The following SNTB2 variants were observed in gnomAD, a reference collection of about 807,000 sequenced individuals.
SNTB2 encodes the protein syntrophin beta 2.
SNTB2 carries 34 observed loss-of-function variants against 46.2 expected under a neutral mutation model. The ratio of observed to expected loss-of-function variants is 0.74; its 90% CI spans 0.56 to 0.98. SNTB2 has a LOEUF of 0.98. Among genes scored for constraint, SNTB2 ranks in the 50% least tolerant of loss-of-function variants. The probability of loss-of-function intolerance (pLI) is 0.00; values close to 1 mark genes in which losing one functional copy is unlikely to be tolerated. For synonymous variants in SNTB2, 290 were observed against 312.6 expected (o/e 0.93, Z 0.76); for missense variants, 603 against 731.4 (o/e 0.82, Z 2.02).
intron 1 of SNTB2, among the ~76,000 whole-genome samples, chr16:69,199,330 T>C (rs1964137212): frequency 6.6e-6 from 1 of 152,230 alleles, no homozygotes; most frequent in African/African-American, 2.4e-5. Context: ...AAGTGCCAGA[T>C]AAAATATTTT....
intron 4 of SNTB2, among the ~76,000 whole-genome samples, chr16:69,276,240 A>C (rs1408968391): frequency 6.6e-6 from 1 of 151,990 alleles, no homozygotes; most frequent in Non-Finnish European, 1.5e-5. Context: ...AGAATGTGGA[A>C]TATTGAGTAG....
intron 1 of SNTB2, among the ~76,000 whole-genome samples, chr16:69,208,406 CAAAA>C (rs78059351): frequency 8.7e-6 from 1 of 114,290 alleles, no homozygotes. Context: ...AACTTCGTCT[CAAAA>C]AAAAAAAAAA....
rs1280047346 is a variant in SNTB2 at position 69,245,660 on chromosome 16, G to A, written c.639G>A (p.Leu213=). The A allele has an allele frequency of 2.5e-6, 4 of 1,613,978 alleles. No individual in the cohort carries two copies. Among genetic ancestry groups the A allele is most frequent in the Non-Finnish European group, 3.4e-6 (4 of 1,180,014 alleles). Residue 213 remains leucine, a synonymous_variant, in exon 2 of 7, where the codon CTG becomes CTA. Coordinates refer to ENST00000336278, the MANE Select transcript of SNTB2 (RefSeq NM_006750.4). ...YIKKPSLVSD[L]PWEGAAPQSP... The stretch of plus-strand genomic sequence containing the variant: ...AGAAGCCATCATTAGTATCAGATCT[G>A]CCGTGGGAAGGTGCAGCCCCCCAGT...
chr16:69,255,941 A>G (rs1482115003), intron 2 of SNTB2, among the ~76,000 whole-genome samples: 1 of 151,672 alleles, frequency 6.6e-6, no homozygotes, highest in Non-Finnish European at 1.5e-5. Context: ...TAATCCCAGC[A>G]CTTTGGGAAG....
intron 5 of SNTB2, among the ~76,000 whole-genome samples, chr16:69,297,524 G>A (rs852010): frequency 3.3e-5 from 5 of 150,642 alleles, no homozygotes; most frequent in Non-Finnish European, 7.4e-5. Context: ...AGGTTGAGGC[G>A]GGAGAATTGC....
rs1965292394 is a variant in SNTB2, at chr16:69,303,442, T to C, written c.*2518T>C. The C allele has an allele frequency of 6.6e-6, 1 of 152,364 alleles. No homozygotes were observed. The highest frequency in any genetic ancestry group is 1.5e-5 in the Non-Finnish European group (1 of 68,044). 9.4% of individuals were successfully genotyped at this position (152,364 alleles called of 1,614,324 possible). The stretch of plus-strand genomic sequence containing the variant: ...ACCCTGCTTGTTGGTTATATGAGGA[T>C]GTAAAATAGGTGGAATTAAAATGTG... On this transcript the variant is annotated 3_prime_UTR_variant, in exon 7 of 7. Coordinates refer to ENST00000336278, the MANE Select transcript of SNTB2 (RefSeq NM_006750.4).
chr16:69,288,589 G>T (rs1364103055), intron 5 of SNTB2, among the ~76,000 whole-genome samples: 1 of 152,076 alleles, frequency 6.6e-6, no homozygotes, highest in East Asian at 1.9e-4. Flanking sequence ...CACTGTTGGT[G>T]GGAATGTAAA....
At chr16:69,187,845 T>A in intron 1 of SNTB2, 99 bp downstream of exon 1, 1 of 948,012 alleles carries the variant, frequency 1.1e-6, no homozygotes, top group Non-Finnish European at 1.4e-6. Flanking sequence ...GCCGGTTCTC[T>A]CCCCGTCTCT....
intron 1 of SNTB2, among the ~76,000 whole-genome samples, chr16:69,215,724 G>T (rs891303669): frequency 1.3e-5 from 2 of 152,090 alleles, no homozygotes; most frequent in Non-Finnish European, 2.9e-5. Flanking sequence ...TAGAGTCCTG[G>T]CTTGCTTTAT....
chr16:69,291,437 C>T lies in SNTB2; in HGVS notation c.1345+7193C>T, dbSNP rs75705259. On this transcript the variant is annotated intron_variant, in intron 5 of 6. Transcript: ENST00000336278. ...TTAAAAAAACACATAGTTGGCCCAG[C>T]GCTGTGGCTTATGCCTGTAATCTCA... Among the ~76,000 whole-genome samples, 1,141 of 152,282 alleles carry T rather than the reference C, an allele frequency of 7.5e-3. 10 individuals carry two copies. The highest frequency in any genetic ancestry group is 0.024 in the African/African-American group (983 of 41,548).
At chr16:69,258,369 A>G (rs1309932405) in intron 2 of SNTB2, among the ~76,000 whole-genome samples, 1 of 152,140 alleles carries the variant, frequency 6.6e-6, no homozygotes, top group African/African-American at 2.4e-5. Context: ...ACAATATTCA[A>G]TAGATTGCTT....
rs1303653453 is a variant in SNTB2, at chr16:69,260,155, G to A, written c.900G>A (p.Met300Ile). ...TCGTAGCTATCCACACCAACATAAT[G>A]GCTCTCCTCCCACAGGTGTTGGCTG... ...SWFVAIHTNI[M>I]ALLPQVLAEL... Residue 300 changes from methionine (M) to isoleucine (I), a missense_variant, in exon 3 of 7, where the codon ATG becomes ATA. Met to Ile is a conservative substitution (Grantham distance 10). This residue lies in a region of SNTB2 where 537 missense variants were observed against 692.4 expected (regional missense o/e 0.78). Transcript: ENST00000336278. The A allele has an allele frequency of 6.8e-6, 11 of 1,613,860 alleles. No homozygotes were observed. Among genetic ancestry groups the A allele is most frequent in the Non-Finnish European group, 9.3e-6 (11 of 1,180,012 alleles).
At position 69,304,368 on chromosome 16, in the gene SNTB2, GT is replaced by G. The variant is rs1292385411; in HGVS notation, c.*3445del. On this transcript the variant is annotated 3_prime_UTR_variant, in exon 7 of 7. Transcript: ENST00000336278. ...GGCAGTCAAAAATACTACTTTAAAT[GT>G]CATTCACCTATTTTAAAGCCATGTT... 6.6e-6 allele frequency: 1 copy of G among 152,568 alleles called. No individual in the cohort carries two copies. Among genetic ancestry groups the G allele is most frequent in the East Asian group, 1.9e-4 (1 of 5,194 alleles). 9.5% of individuals were successfully genotyped at this position (152,568 alleles called of 1,614,324 possible).
chr16:69,232,122 A>G (rs2152295019), intron 1 of SNTB2, among the ~76,000 whole-genome samples: 1 of 152,108 alleles, frequency 6.6e-6, no homozygotes, highest in Middle Eastern at 3.4e-3. Flanking sequence ...TTCAAGTTAG[A>G]CTTCGATGAG....
chr16:69,219,349 A>G (rs1374185171), intron 1 of SNTB2, among the ~76,000 whole-genome samples: 2 of 152,244 alleles, frequency 1.3e-5, no homozygotes, highest in African/African-American at 4.8e-5. Context: ...TGGCTGGATC[A>G]CTGGAGATGT....
Position 69,270,228 on chromosome 16 carries a change from CG to C in SNTB2, c.1092del (p.Trp365GlyfsTer78). Reference protein sequence around the residue: ...EKDLLLYDCMPWTRDAWASPC... With the variant: ...EKDLLLYDCMXWTRDAWASPC... ...GATTTGCTGCTCTATGACTGTATGC[CG>C]TGGACAAGAGATGCCTGGGCGTCAC... On this transcript the variant is annotated frameshift_variant, in exon 4 of 7. Transcript: ENST00000336278. LOFTEE classifies it high-confidence loss of function. 1 of 1,614,034 alleles carries C rather than the reference CG, an allele frequency of 6.2e-7. No individual in the cohort carries two copies. The highest frequency in any genetic ancestry group is 8.5e-7 in the Non-Finnish European group (1 of 1,180,024).
At chr16:69,296,280 C>CA (rs1039592655) in intron 5 of SNTB2, among the ~76,000 whole-genome samples, 5 of 149,952 alleles carry the variant, frequency 3.3e-5, no homozygotes, top group Non-Finnish European at 5.9e-5. Flanking sequence ...AACTCCGTCT[C>CA]AAAAAAAAAA....
Position 69,245,676 on chromosome 16 carries a change from GC to G in SNTB2, c.661del (p.Gln221SerfsTer37), listed in dbSNP as rs1567406107. 6.2e-7 allele frequency: 1 copy of G among 1,614,034 alleles called. No homozygotes were observed. The highest frequency in any genetic ancestry group is 8.5e-7 in the Non-Finnish European group (1 of 1,179,990). On this transcript the variant is annotated frameshift_variant, in exon 2 of 7. Transcript: ENST00000336278. LOFTEE classifies it high-confidence loss of function. ...LVSDLPWEGA[A>X]PQSPSFSGSE... Reference sequence around the variant, plus strand: ...ATCAGATCTGCCGTGGGAAGGTGCAGCCCCCCAGTCACCAAGCTTTAGTGGC... The same window carrying G: ...ATCAGATCTGCCGTGGGAAGGTGCAGCCCCCAGTCACCAAGCTTTAGTGGC...
Position 69,303,393 on chromosome 16 carries a change from G to T in SNTB2, c.*2469G>T, listed in dbSNP as rs1476496369. The T allele has an allele frequency of 1.3e-5, 2 of 152,202 alleles. No homozygotes were observed. The highest frequency in any genetic ancestry group is 2.9e-5 in the Non-Finnish European group (2 of 68,024). 9.4% of individuals were successfully genotyped at this position (152,202 alleles called of 1,614,324 possible). A position where few individuals can be genotyped will look rare whatever the true frequency, so the allele number is the denominator to read the frequency against. On this transcript the variant is annotated 3_prime_UTR_variant, in exon 7 of 7. Transcript: ENST00000336278. ...TTAATGTGAAAAGCTAAGCCACTGA[G>T]ATTTGCAGGGGAGCTTCTGAGCCAC...
Sources: allele counts gnomAD v4.1 joint callset (sites outside exome capture counted in the v4.1 genomes callset), GRCh38; gene constraint gnomAD v4.1.1; regional missense constraint gnomAD v4.1.1; transcripts MANE v1.5; gene names NCBI Gene and HGNC (gene_info 2026-07-23, HGNC 2026-07-21).